EPS8: variants seen among roughly 807,000 people sequenced by gnomAD.
The protein encoded by EPS8 is epidermal growth factor receptor kinase substrate 8.
A neutral mutation model predicts 103.8 loss-of-function variants in EPS8; 42 were observed. That is an observed-to-expected ratio of 0.40 (90% CI 0.32 to 0.52). The LOEUF (loss-of-function observed/expected upper bound fraction) is 0.52, where lower values mean the gene tolerates loss of function less well. Ranked by LOEUF, EPS8 falls within the 20% of genes least tolerant of loss-of-function variation. The pLI, the probability that EPS8 is intolerant of heterozygous loss-of-function variation, is 0.40. For synonymous variants in EPS8, 344 were observed against 344.6 expected (o/e 1.00, Z 0.02); for missense variants, 969 against 1,005.1 (o/e 0.96, Z 0.49).
chr12:15,636,620 A>G (rs1945139489), intron 17 of EPS8, among the ~76,000 whole-genome samples: 1 of 152,178 alleles, frequency 6.6e-6, no homozygotes, highest in South Asian at 2.1e-4. Context: ...TCACCCAGAA[A>G]CTGCCATTAT....
intron 2 of EPS8, 23 bp from the exon 3 acceptor site, chr12:15,681,325 A>AATG: frequency 2.0e-6 from 2 of 990,214 alleles, no homozygotes; most frequent in East Asian, 3.4e-5. Context: ...TAATAATAAT[A>AATG]ATAATAATAA....
In EPS8 at chr12:15,735,698, T is replaced by A. The variant is rs1012265289; in HGVS notation, c.-21-52726A>T. Among the ~76,000 whole-genome samples the A allele has an allele frequency of 1.3e-5, 2 of 152,218 alleles. No homozygotes were observed. Among genetic ancestry groups the A allele is most frequent in the African/African-American group, 4.8e-5 (2 of 41,460 alleles). ...CCTACAAATAAACATAGTAATCAGG[T>A]TATTTAAATTGTAGACCTTTTAAAA... On this transcript the variant is annotated intron_variant, in intron 1 of 20. Transcript: ENST00000281172. The surrounding 1 kb of genome is among the most constrained non-coding windows in gnomAD (Gnocchi z 4.4).
rs140029187 is a variant in EPS8 at position 15,736,097 on chromosome 12, G to C, written c.-22+53064C>G. Among the ~76,000 whole-genome samples the C allele has an allele frequency of 5.0e-3, 761 of 152,148 alleles. 10 individuals carry two copies. Among genetic ancestry groups the C allele is most frequent in the African/African-American group, 0.017 (726 of 41,506 alleles). On this transcript the variant is annotated intron_variant, in intron 1 of 20. Coordinates refer to ENST00000281172, the MANE Select transcript of EPS8 (RefSeq NM_004447.6). This position sits in a 1 kb window ranked among gnomAD's most constrained non-coding sequence, Gnocchi z 4.2. ...AGATAAGGTCTCACTATGTTGCCCA[G>C]GCTAGTCTCAAACTCCTGAGCTCAA...
chr12:15,694,209 TG>T (rs1946213013), intron 1 of EPS8, among the ~76,000 whole-genome samples: 1 of 152,058 alleles, frequency 6.6e-6, no homozygotes, highest in South Asian at 2.1e-4. Flanking sequence ...GAGGTTCAGG[TG>T]GACTATGAAA....
In EPS8 at chr12:15,778,239, AC is replaced by A. The variant is rs1471224506; in HGVS notation, c.-22+10921del. Among the ~76,000 whole-genome samples, 1 of 152,232 alleles carries A rather than the reference AC, an allele frequency of 6.6e-6. No individual in the cohort carries two copies. The highest frequency in any genetic ancestry group is 2.4e-5 in the African/African-American group (1 of 41,466). On this transcript the variant is annotated intron_variant, in intron 1 of 20. Coordinates refer to ENST00000281172, the MANE Select transcript of EPS8 (RefSeq NM_004447.6). The surrounding 1 kb of genome is among the most constrained non-coding windows in gnomAD (Gnocchi z 4.5). ...GAAAATCTTCAGAGGGTGATTTTCA[AC>A]AATGATTAAAAACACTCTGACACAC... is the stretch of plus-strand genomic sequence containing the variant.
chr12:15,662,043 G>A lies in EPS8; in HGVS notation c.793C>T (p.Arg265Cys), dbSNP rs749500838. The A allele has an allele frequency of 1.5e-5, 24 of 1,613,632 alleles. No individual in the cohort carries two copies. The highest frequency in any genetic ancestry group is 3.3e-4 in the Middle Eastern group (2 of 6,060). ...QEETPEMMAA[R>C]IDRDVQILNH... ...GTACTTACCACATCTCTGTCAATGC[G>A]GGCTGCCATCATCTCAGGTGTTTCT... is the stretch of plus-strand genomic sequence containing the variant. The change falls in exon 9 of 21, where the codon CGC becomes TGC. Residue 265 changes from arginine (R) to cysteine (C), a missense_variant. Arg to Cys is a radical substitution (Grantham distance 180). Transcript: ENST00000281172.
chr12:15,657,490 C>T (rs2135805396), intron 12 of EPS8, among the ~76,000 whole-genome samples: 1 of 152,278 alleles, frequency 6.6e-6, no homozygotes, highest in African/African-American at 2.4e-5. Context: ...AGGTTATTGG[C>T]TACCCCACTA....
rs922458357 is a variant in EPS8 at position 15,717,121 on chromosome 12, G to T, written c.-21-34149C>A. 6.6e-6 allele frequency among the ~76,000 whole-genome samples: 1 copy of T among 152,210 alleles called. No homozygotes were observed. The highest frequency in any genetic ancestry group is 2.4e-5 in the African/African-American group (1 of 41,458). On this transcript the variant is annotated intron_variant, in intron 1 of 20. Transcript: ENST00000281172. This position sits in a 1 kb window ranked among gnomAD's most constrained non-coding sequence, Gnocchi z 4.3. Reference sequence around the variant, plus strand: ...TAACAATTTACCTGGAGAGGGACAGGAGATGCAATATGACTTATCTTTGGG... The same window carrying T: ...TAACAATTTACCTGGAGAGGGACAGTAGATGCAATATGACTTATCTTTGGG...
At chr12:15,773,285 A>G (rs1442400658) in intron 1 of EPS8, among the ~76,000 whole-genome samples, 2 of 152,198 alleles carry the variant, frequency 1.3e-5, no homozygotes, top group Non-Finnish European at 2.9e-5. Context: ...GGCCTGAATT[A>G]TTAAAATTAC....
Position 15,686,131 on chromosome 12 carries a change from ACTT to A in EPS8, c.-21-3162_-21-3160del, listed in dbSNP as rs1946092009. On this transcript the variant is annotated intron_variant, in intron 1 of 20. Transcript: ENST00000281172. The stretch of plus-strand genomic sequence containing the variant: ...CAGAGACAGCAAAACCGACCCCTCC[ACTT>A]CTTCTCCCTCAGCCTACTCAACATG... Among the ~76,000 whole-genome samples, 3 of 152,256 alleles carry A rather than the reference ACTT, an allele frequency of 2.0e-5. No homozygotes were observed. The South Asian group carries it at 6.2e-4, about 32-fold the overall frequency.
At chr12:15,746,669 C>A (rs1351751224) in intron 1 of EPS8, among the ~76,000 whole-genome samples, 5 of 152,072 alleles carry the variant, frequency 3.3e-5, no homozygotes, top group Non-Finnish European at 5.9e-5. Flanking sequence ...GGGTTCCAGC[C>A]CCAGTTCCTC....
chr12:15,763,177 G>C (rs58439676), intron 1 of EPS8, among the ~76,000 whole-genome samples: 3,101 of 152,188 alleles, frequency 0.02, 106 homozygotes, highest in African/African-American at 0.07. Context: ...GGAGTTGCTT[G>C]TTGTTGTTTT....
Position 15,721,628 on chromosome 12 carries a change from A to G in EPS8, c.-21-38656T>C, listed in dbSNP as rs1382016591. Among the ~76,000 whole-genome samples, 1 of 152,074 alleles carries G rather than the reference A, an allele frequency of 6.6e-6. No homozygotes were observed. Among genetic ancestry groups the G allele is most frequent in the Non-Finnish European group, 1.5e-5 (1 of 68,006 alleles). ...TTTGGAATAGTACATTTTATCCTCC[A>G]TTTCTTGTGAAAGACAACAATCTTG... On this transcript the variant is annotated intron_variant, in intron 1 of 20. Transcript: ENST00000281172. The surrounding 1 kb of genome is among the most constrained non-coding windows in gnomAD (Gnocchi z 4.4).
chr12:15,732,218 G>A (rs1946724268), intron 1 of EPS8, among the ~76,000 whole-genome samples: 1 of 152,132 alleles, frequency 6.6e-6, no homozygotes, highest in South Asian at 2.1e-4. Flanking sequence ...GTGTATCAAA[G>A]AAACTATGAC....
intron 10 of EPS8, 125 bp downstream of exon 10, chr12:15,660,489 C>G (rs1453242452): frequency 2.9e-6 from 2 of 687,724 alleles, no homozygotes; most frequent in African/African-American, 3.7e-5. Flanking sequence ...GTCTCGAACT[C>G]CTGACCTTAG....
intron 6 of EPS8, among the ~76,000 whole-genome samples, chr12:15,667,667 A>G (rs927292769): frequency 3.3e-5 from 5 of 152,206 alleles, no homozygotes; most frequent in African/African-American, 1.2e-4. Context: ...ATGAAGTCCT[A>G]TAATAAAGAA....
chr12:15,626,182 T>A (rs1401262309), intron 18 of EPS8, among the ~76,000 whole-genome samples: 1 of 152,186 alleles, frequency 6.6e-6, no homozygotes, highest in African/African-American at 2.4e-5. Context: ...TAGTCTGACC[T>A]CATAATGTAT....
In EPS8 at chr12:15,656,508, T is replaced by C. The variant is rs1011605987; in HGVS notation, c.1101+1571A>G. ...ATAATGTTACTTACTTTCCTATGTT[T>C]GTAAAGCAATACTCATTTCATATTC... On this transcript the variant is annotated intron_variant, in intron 12 of 20. Coordinates refer to ENST00000281172, the MANE Select transcript of EPS8 (RefSeq NM_004447.6). 3.3e-5 allele frequency among the ~76,000 whole-genome samples: 5 copies of C among 152,312 alleles called. 1 individual carries two copies. The East Asian group carries it at 9.6e-4, about 29-fold the overall frequency.
intron 5 of EPS8, 23 bp from the exon 6 acceptor site, chr12:15,669,559 A>AT: frequency 6.3e-7 from 1 of 1,577,696 alleles, no homozygotes; most frequent in Non-Finnish European, 8.6e-7. Flanking sequence ...TGAACATTTT[A>AT]TTTTGTCAAA....
Sources: allele counts gnomAD v4.1 joint callset (sites outside exome capture counted in the v4.1 genomes callset), GRCh38; gene constraint gnomAD v4.1.1; non-coding constraint Gnocchi (gnomAD v3.1); transcripts MANE v1.5; gene names NCBI Gene and HGNC (gene_info 2026-07-23, HGNC 2026-07-21).